The following FBXO25 variants were observed in gnomAD, a reference collection of about 807,000 sequenced individuals.
FBXO25 encodes the protein F-box protein 25, also known as F-box only protein 25.
In FBXO25, 45 loss-of-function variants were observed where a neutral mutation model predicts 51.9. That is an observed-to-expected ratio of 0.87 (90% CI 0.68 to 1.11). The LOEUF is 1.11. Among genes scored for constraint, FBXO25 ranks in the 50% most tolerant of loss-of-function variants. FBXO25 has a pLI of 0.00. For synonymous variants in FBXO25, 199 were observed against 151.0 expected (o/e 1.32, Z -2.33); for missense variants, 507 against 428.5 (o/e 1.18, Z -1.62).
intron 8 of FBXO25, among the ~76,000 whole-genome samples, chr8:460,032 G>T (rs1300330842): frequency 6.6e-6 from 1 of 152,120 alleles, no homozygotes; most frequent in African/African-American, 2.4e-5. Flanking sequence ...CATTGGGCAT[G>T]GGGGAGGGGG....
In FBXO25 at chr8:475,135, A is replaced by G. The variant is rs1800603797; in HGVS notation, c.*6331A>G. 1.9e-5 allele frequency: 7 copies of G among 361,908 alleles called. No homozygotes were observed. The highest frequency in any genetic ancestry group is 1.5e-4 in the South Asian group (7 of 45,754). The allele number at this position is 361,908 out of a possible 1,614,324, so 22.4% of individuals were successfully genotyped here. A position where few individuals can be genotyped will look rare whatever the true frequency, so the allele number is the denominator to read the frequency against. ...CTTTGATCTATTTTAATTTTTATAT[A>G]TGGTGTGAGGTAGATCTAGCTTCAT... On this transcript the variant is annotated 3_prime_UTR_variant, in exon 10 of 10. Coordinates refer to ENST00000350302, the MANE Select transcript of FBXO25 (RefSeq NM_183420.2).
chr8:468,058 A>T (rs954151799), intron 9 of FBXO25: 105 of 1,192,188 alleles, frequency 8.8e-5, no homozygotes, highest in Non-Finnish European at 1.1e-4. Flanking sequence ...GAGATCCAGC[A>T]CTGACCCCAG....
chr8:422,999 C>T (rs1204253178), intron 2 of FBXO25, among the ~76,000 whole-genome samples: 2 of 139,724 alleles, frequency 1.4e-5, no homozygotes, highest in Non-Finnish European at 3.2e-5. Flanking sequence ...TGGAATTTAT[C>T]TTGGAGCATG....
At chr8:451,556 T>C in intron 7 of FBXO25, 103 bp downstream of exon 7, 2 of 1,066,070 alleles carry the variant, frequency 1.9e-6, no homozygotes, top group Non-Finnish European at 1.4e-6. Flanking sequence ...TTTGAAAGAT[T>C]TTCTAATGCT....
intron 5 of FBXO25, among the ~76,000 whole-genome samples, chr8:447,692 C>G (rs1381217919): frequency 6.6e-6 from 1 of 152,138 alleles, no homozygotes; most frequent in Non-Finnish European, 1.5e-5. Flanking sequence ...ACATGAAATT[C>G]ATGTATGTTT....
intron 2 of FBXO25, among the ~76,000 whole-genome samples, chr8:430,271 A>G (rs997146440): frequency 6.6e-6 from 1 of 152,240 alleles, no homozygotes; most frequent in African/African-American, 2.4e-5. Context: ...TAAATACAAA[A>G]TACAAACATC....
chr8:436,283 A>G (rs1317771065), intron 5 of FBXO25, among the ~76,000 whole-genome samples: 1 of 152,170 alleles, frequency 6.6e-6, no homozygotes, highest in Non-Finnish European at 1.5e-5. Context: ...AAGATTAATT[A>G]CTATGTGGTT....
At chr8:458,886 C>G (rs976049053) in intron 8 of FBXO25, among the ~76,000 whole-genome samples, 6 of 152,176 alleles carry the variant, frequency 3.9e-5, no homozygotes, top group African/African-American at 1.4e-4. Flanking sequence ...GATTCCAGTT[C>G]TTTTGACCAA....
intron 7 of FBXO25, among the ~76,000 whole-genome samples, chr8:457,239 C>G (rs552271365): frequency 6.6e-6 from 1 of 152,318 alleles, no homozygotes; most frequent in Non-Finnish European, 1.5e-5. Context: ...ACCCCACTGT[C>G]AGGAAGACGT....
In FBXO25 at chr8:474,844, T is replaced by C. The variant is rs1204753491; in HGVS notation, c.*6040T>C. 2.2e-6 allele frequency: 1 copy of C among 446,692 alleles called. No individual in the cohort carries two copies. Among genetic ancestry groups the C allele is most frequent in the Non-Finnish European group, 4.4e-6 (1 of 224,934 alleles). The allele number at this position is 446,692 out of a possible 1,614,324, so 27.7% of individuals were successfully genotyped here. On this transcript the variant is annotated 3_prime_UTR_variant, in exon 10 of 10. Transcript: ENST00000350302. ...ATGTACAGAAGTTGTTTCTTTCTTT[T>C]AGTTACCTGTGTGTGCCTCTGGTGT...
At chr8:443,018 A>T (rs970646140) in intron 5 of FBXO25, among the ~76,000 whole-genome samples, 2 of 152,128 alleles carry the variant, frequency 1.3e-5, no homozygotes, top group Non-Finnish European at 1.5e-5. Flanking sequence ...AGAAGGTCCA[A>T]GAAATGACAG....
At chr8:432,750 C>G (rs1474724809) in intron 3 of FBXO25, 136 bp from the exon 4 acceptor site, 2 of 1,127,902 alleles carry the variant, frequency 1.8e-6, no homozygotes, top group African/African-American at 3.2e-5. Context: ...TTTGCATTCA[C>G]CCACGTAAAA....
intron 7 of FBXO25, among the ~76,000 whole-genome samples, chr8:452,837 A>G (rs1000693527): frequency 2.0e-5 from 3 of 152,200 alleles, no homozygotes; most frequent in Admixed American, 6.5e-5. Context: ...GAGAAAGGAG[A>G]AAGCAAGGGA....
chr8:432,753 A>G, intron 3 of FBXO25, 133 bp from the exon 4 acceptor site: 2 of 1,148,734 alleles, frequency 1.7e-6, no homozygotes, highest in Non-Finnish European at 2.3e-6. Context: ...GCATTCACCC[A>G]CGTAAAAGCA....
At position 475,044 on chromosome 8, in the gene FBXO25, C is replaced by G. The variant is rs1016362984; in HGVS notation, c.*6240C>G. 1 of 406,430 alleles carries G rather than the reference C, an allele frequency of 2.5e-6. No individual in the cohort carries two copies. The highest frequency in any genetic ancestry group is 1.9e-5 in the South Asian group (1 of 53,526). 25.2% of individuals were successfully genotyped at this position (406,430 alleles called of 1,614,324 possible). ...CATATCTAAGAAATCACTGCCAAAT[C>G]CAATGTTGTTAAAAGTTTCCCTTAT... is the stretch of plus-strand genomic sequence containing the variant. On this transcript the variant is annotated 3_prime_UTR_variant, in exon 10 of 10. Transcript: ENST00000350302.
rs1799069863 is a variant in FBXO25 at position 451,284 on chromosome 8, A to G, written c.491A>G (p.His164Arg). 6.2e-7 allele frequency: 1 copy of G among 1,606,684 alleles called. No individual in the cohort carries two copies. The highest frequency in any genetic ancestry group is 8.5e-7 in the Non-Finnish European group (1 of 1,178,092). Residue 164 changes from histidine (H) to arginine (R), a missense_variant, in exon 7 of 10, where the codon CAC becomes CGC. Coordinates refer to ENST00000350302, the MANE Select transcript of FBXO25 (RefSeq NM_183420.2). ...TTTATTCCAGTTCTTGATGACCACC[A>G]CAATCCTCGCTTAATCAAAGATCTT... ...KIVQKVLDDH[H>R]NPRLIKDLLQ...
intron 5 of FBXO25, among the ~76,000 whole-genome samples, chr8:444,427 T>G (rs1277348397): frequency 1.3e-5 from 2 of 152,184 alleles, no homozygotes; most frequent in African/African-American, 4.8e-5. Flanking sequence ...TTATTTAACT[T>G]TATTGGATTC....
rs1357800252 is a variant in FBXO25, at chr8:473,619, G to C, written c.*4815G>C. 2.6e-5 allele frequency: 4 copies of C among 152,192 alleles called. No homozygotes were observed. Among genetic ancestry groups the C allele is most frequent in the Non-Finnish European group, 4.4e-5 (3 of 68,094 alleles). The allele number at this position is 152,192 out of a possible 1,614,324, so 9.4% of individuals were successfully genotyped here. A position where few individuals can be genotyped will look rare whatever the true frequency, so the allele number is the denominator to read the frequency against. The stretch of plus-strand genomic sequence containing the variant: ...GAGTGACAAAGAACAGAGATGCCCA[G>C]AGCACCAGCTGGAGGGGCAAGCAGG... On this transcript the variant is annotated 3_prime_UTR_variant, in exon 10 of 10. Coordinates refer to ENST00000350302, the MANE Select transcript of FBXO25 (RefSeq NM_183420.2).
chr8:448,066 T>C (rs1268997036), intron 5 of FBXO25, among the ~76,000 whole-genome samples: 2 of 152,056 alleles, frequency 1.3e-5, no homozygotes, highest in Non-Finnish European at 2.9e-5. Flanking sequence ...AATGAAACCG[T>C]AATCATGAGT....
Sources: gnomAD v4.1 joint callset for allele counts (sites outside exome capture counted in the v4.1 genomes callset) on GRCh38, gnomAD v4.1.1 for gene constraint, MANE v1.5 for transcripts, NCBI Gene and HGNC (gene_info 2026-07-23, HGNC 2026-07-21) for gene names.